The following BANK1 variants were observed in gnomAD, a reference collection of about 807,000 sequenced individuals.
The protein encoded by BANK1 is B cell scaffold protein with ankyrin repeats 1, also known as B-cell scaffold protein with ankyrin repeats.
A neutral mutation model predicts 94.5 loss-of-function variants in BANK1; 95 were observed. That is an observed-to-expected ratio of 1.00 (90% confidence interval 0.85 to 1.19). The LOEUF (loss-of-function observed/expected upper bound fraction) is 1.19. Among genes scored for constraint, BANK1 ranks in the 50% most tolerant of loss-of-function variants. BANK1 has a pLI of 0.00. For synonymous variants in BANK1, 334 were observed against 308.4 expected, an observed-to-expected ratio of 1.08 and a Z score of -0.87; for missense variants, 987 against 932.2, an observed-to-expected ratio of 1.06 and a Z score of -0.77.
chr4:102,065,198 A>T (rs1728550504), intron 13 of BANK1, among the ~76,000 whole-genome samples: 1 of 152,178 alleles, frequency 6.6e-6, no homozygotes, highest in African/African-American at 2.4e-5. Context: ...CTGCTGTGAC[A>T]CCCAAAAGAT....
chr4:101,797,298 A>G (rs1448927702), intron 1 of BANK1, among the ~76,000 whole-genome samples: 2 of 152,202 alleles, frequency 1.3e-5, no homozygotes, highest in African/African-American at 2.4e-5. Flanking sequence ...TACACTCACA[A>G]TGTTATTATA....
intron 4 of BANK1, among the ~76,000 whole-genome samples, chr4:101,865,930 A>G (rs1351340288): frequency 1.3e-5 from 2 of 152,174 alleles, no homozygotes; most frequent in Non-Finnish European, 2.9e-5. Flanking sequence ...GATAGCTACA[A>G]CAAACATTAA....
chr4:101,894,678 T>G (rs1007497404), intron 5 of BANK1, among the ~76,000 whole-genome samples: 4 of 151,950 alleles, frequency 2.6e-5, no homozygotes, highest in African/African-American at 9.7e-5. Flanking sequence ...TAAGACAACT[T>G]GAAAAGAATA....
chr4:102,030,143 C>T lies in BANK1; in HGVS notation c.1778C>T (p.Ala593Val). 1 of 1,613,924 alleles carries T rather than the reference C, an allele frequency of 6.2e-7. No individual in the cohort carries two copies. Among genetic ancestry groups the T allele is most frequent in the African/African-American group, 1.3e-5 (1 of 74,964 alleles). ...GACAGTGAATATGACATGATATTGGCCAATCTGAGTATAAAGAAAAAAACT... is the reference window on the plus strand; with the variant it reads ...GACAGTGAATATGACATGATATTGGTCAATCTGAGTATAAAGAAAAAAACT... Reference protein sequence around the residue: ...IDDSEYDMILANLSIKKKTGS... With the variant: ...IDDSEYDMILVNLSIKKKTGS... The change falls in exon 10 of 17, where the codon GCC (alanine) becomes GTC (valine). Residue 593 changes from alanine (A) to valine (V), a missense_variant. Transcript: ENST00000322953.
intron 14 of BANK1, among the ~76,000 whole-genome samples, chr4:102,071,590 C>T (rs1476256734): frequency 2.0e-5 from 3 of 152,210 alleles, no homozygotes; most frequent in African/African-American, 4.8e-5. Context: ...AAGTCACTTA[C>T]GCTCTGTGGG....
intron 10 of BANK1, among the ~76,000 whole-genome samples, chr4:102,040,929 A>T (rs1448297840): frequency 6.6e-6 from 1 of 152,088 alleles, no homozygotes; most frequent in Non-Finnish European, 1.5e-5. Context: ...CCGTTTTTCC[A>T]TGTCACTCAT....
At chr4:101,967,615 G>GA (rs939460235) in intron 7 of BANK1, among the ~76,000 whole-genome samples, 9 of 151,744 alleles carry the variant, frequency 5.9e-5, no homozygotes, top group Admixed American at 2.6e-4. Flanking sequence ...TTTTTTTACT[G>GA]AAAAAACGAT....
intron 7 of BANK1, among the ~76,000 whole-genome samples, chr4:101,960,735 A>G (rs777944261): frequency 1.3e-5 from 2 of 152,152 alleles, no homozygotes; most frequent in Non-Finnish European, 2.9e-5. Context: ...TCAGTAAGCA[A>G]TTTTAAAAGC....
chr4:101,853,153 C>T (rs538650968), intron 2 of BANK1, among the ~76,000 whole-genome samples: 1 of 152,112 alleles, frequency 6.6e-6, no homozygotes, highest in Non-Finnish European at 1.5e-5. Context: ...TCATTTCAAA[C>T]AAGACTAGTA....
intron 7 of BANK1, among the ~76,000 whole-genome samples, chr4:101,919,646 C>G (rs1722937768): frequency 1.3e-5 from 2 of 151,898 alleles, no homozygotes; most frequent in Admixed American, 1.3e-4. Context: ...TACAGTTATA[C>G]TTGATAATTC....
intron 7 of BANK1, among the ~76,000 whole-genome samples, chr4:101,960,955 T>G (rs927246461): frequency 6.6e-6 from 1 of 152,168 alleles, no homozygotes; most frequent in Admixed American, 6.5e-5. Flanking sequence ...AGCCTTTTTT[T>G]AAAACCAACT....
chr4:101,848,322 GC>G (rs756904257), intron 2 of BANK1, among the ~76,000 whole-genome samples: 1 of 152,126 alleles, frequency 6.6e-6, no homozygotes, highest in Non-Finnish European at 1.5e-5. Context: ...CACAATGCGA[GC>G]CCCCGCTTGC....
intron 6 of BANK1, among the ~76,000 whole-genome samples, chr4:101,899,483 G>A (rs1293134803): frequency 6.6e-6 from 1 of 152,066 alleles, no homozygotes; most frequent in African/African-American, 2.4e-5. Context: ...TGATGCTTCA[G>A]TTTGAATCAA....
At chr4:101,835,222 G>GTT (rs1726777797) in intron 2 of BANK1, among the ~76,000 whole-genome samples, 1 of 152,114 alleles carries the variant, frequency 6.6e-6, no homozygotes, top group Non-Finnish European at 1.5e-5. Context: ...ATCTGAAATT[G>GTT]TTATAAAATC....
At chr4:101,958,162 G>A (rs991919462) in intron 7 of BANK1, among the ~76,000 whole-genome samples, 4 of 151,950 alleles carry the variant, frequency 2.6e-5, no homozygotes, top group Admixed American at 2.6e-4. Context: ...TGTTATTTAG[G>A]CGTCAATGTT....
chr4:101,826,418 T>C (rs574556363), intron 1 of BANK1, among the ~76,000 whole-genome samples: 2 of 152,136 alleles, frequency 1.3e-5, no homozygotes, highest in African/African-American at 2.4e-5. Flanking sequence ...AGTGTAATTG[T>C]GAGAATTAAA....
chr4:101,868,295 C>T (rs1728153406), intron 4 of BANK1, among the ~76,000 whole-genome samples: 1 of 151,916 alleles, frequency 6.6e-6, no homozygotes, highest in Non-Finnish European at 1.5e-5. Context: ...ACCATGCTAA[C>T]ACTAATCAAA....
intron 1 of BANK1, among the ~76,000 whole-genome samples, chr4:101,796,614 T>C (rs573962780): frequency 6.6e-6 from 1 of 152,318 alleles, no homozygotes; most frequent in African/African-American, 2.4e-5. Flanking sequence ...ACTTAAATCC[T>C]TAGAGCTGGA....
At chr4:101,879,786 A>C (rs6850747) in intron 5 of BANK1, among the ~76,000 whole-genome samples, 83,883 of 151,892 alleles carry the variant, frequency 0.55, 24,473 homozygotes, top group African/African-American at 0.75. Context: ...ATGTTTCAAA[A>C]TATGCAAATA....
Sources: gnomAD v4.1 joint callset for allele counts (sites outside exome capture counted in the v4.1 genomes callset) on GRCh38, gnomAD v4.1.1 for gene constraint, MANE v1.5 for transcripts, NCBI Gene and HGNC (gene_info 2026-07-23, HGNC 2026-07-21) for gene names.